Variants in OSBP2 observed in about 807,000 individuals in gnomAD.
OSBP2 encodes the protein oxysterol-binding protein 2.
OSBP2 carries 66 observed loss-of-function variants against 96.0 expected under a neutral mutation model. The ratio of observed to expected loss-of-function variants is 0.69; its 90% CI spans 0.56 to 0.84. The LOEUF is 0.84. OSBP2 is among the 40% of genes least tolerant of loss of function. The pLI is 0.00. For missense variants in OSBP2, 1,038 were observed against 1,222.7 expected (o/e 0.85, Z 2.25); for synonymous variants, 525 against 520.9 (o/e 1.01, Z -0.11).
intron 1 of OSBP2, among the ~76,000 whole-genome samples, chr22:30,717,815 G>GC (rs1426498630): frequency 6.6e-6 from 1 of 152,098 alleles, no homozygotes; most frequent in East Asian, 1.9e-4. Context: ...CTGATCCCTT[G>GC]CTCTACTCTG....
At chr22:30,713,823 T>G (rs567018917) in intron 1 of OSBP2, among the ~76,000 whole-genome samples, 17 of 152,286 alleles carry the variant, frequency 1.1e-4, no homozygotes, top group African/African-American at 2.6e-4. Flanking sequence ...GGGTGATATT[T>G]TGGCTCATGT....
At chr22:30,761,384 C>T (rs557390494) in intron 2 of OSBP2, among the ~76,000 whole-genome samples, 1 of 152,040 alleles carries the variant, frequency 6.6e-6, no homozygotes, top group East Asian at 1.9e-4. Flanking sequence ...ATAATTATAA[C>T]AAAACAAATA....
At chr22:30,830,312 ATAG>A (rs898214399) in intron 2 of OSBP2, among the ~76,000 whole-genome samples, 31 of 152,200 alleles carry the variant, frequency 2.0e-4, no homozygotes, top group Non-Finnish European at 5.9e-5. Flanking sequence ...ATCTTCAGAA[ATAG>A]TAGTTGCTCA....
At chr22:30,899,204 C>G (rs548785250) in intron 12 of OSBP2, among the ~76,000 whole-genome samples, 1 of 152,032 alleles carries the variant, frequency 6.6e-6, no homozygotes, top group South Asian at 2.1e-4. Flanking sequence ...AACAGCAAGA[C>G]CCTGTCTCTA....
At chr22:30,852,768 A>T (rs2039000231) in intron 2 of OSBP2, among the ~76,000 whole-genome samples, 18 of 152,154 alleles carry the variant, frequency 1.2e-4, no homozygotes, top group Admixed American at 1.2e-3. Flanking sequence ...TAATATATAA[A>T]GCTATGAATT....
At chr22:30,847,053 C>G (rs907113680) in intron 2 of OSBP2, among the ~76,000 whole-genome samples, 1 of 152,146 alleles carries the variant, frequency 6.6e-6, no homozygotes, top group Non-Finnish European at 1.5e-5. Context: ...TCTTGGCTCA[C>G]TGCAACTTCC....
chr22:30,866,242 A>G (rs2039333756), intron 2 of OSBP2, among the ~76,000 whole-genome samples: 1 of 152,240 alleles, frequency 6.6e-6, no homozygotes, highest in Non-Finnish European at 1.5e-5. Context: ...GGCCCAGCAC[A>G]ATCACTGGAT....
At chr22:30,868,136 C>T (rs1374646637) in intron 2 of OSBP2, among the ~76,000 whole-genome samples, 1 of 152,238 alleles carries the variant, frequency 6.6e-6, no homozygotes, top group African/African-American at 2.4e-5. Flanking sequence ...AGCGCCTCAC[C>T]CACAGCCTGG....
Position 30,803,798 on chromosome 22 carries a change from C to T in OSBP2, c.853+62429C>T, listed in dbSNP as rs565997158. 5.3e-5 allele frequency among the ~76,000 whole-genome samples: 8 copies of T among 150,876 alleles called. No homozygotes were observed. The South Asian group carries it at 1.5e-3, about 27-fold the overall frequency. ...GTGGATACTGGGCAGGCACTGCCTGCCAGTGGGGTGTGTGTGTGTGTATGT... is the reference window on the plus strand; with the variant it reads ...GTGGATACTGGGCAGGCACTGCCTGTCAGTGGGGTGTGTGTGTGTGTATGT... On this transcript the variant is annotated intron_variant, in intron 2 of 13. Transcript: ENST00000332585.
chr22:30,891,512 C>T lies in OSBP2; in HGVS notation c.1869+539C>T, dbSNP rs910719376. 5.3e-5 allele frequency among the ~76,000 whole-genome samples: 8 copies of T among 152,180 alleles called. No homozygotes were observed. The South Asian group carries it at 8.3e-4, about 16-fold the overall frequency. The stretch of plus-strand genomic sequence containing the variant: ...AACGAGGTGATTCTGTTGGTGCTGG[C>T]GTTGCCCTGGCTCCTGGCATGAGTG... On this transcript the variant is annotated intron_variant, in intron 8 of 13. Coordinates refer to ENST00000332585, the MANE Select transcript of OSBP2 (RefSeq NM_030758.4).
chr22:30,901,488 T>C (rs1216265708), intron 12 of OSBP2, among the ~76,000 whole-genome samples: 5 of 152,204 alleles, frequency 3.3e-5, no homozygotes, highest in Non-Finnish European at 7.3e-5. Flanking sequence ...AAAACATGTA[T>C]GTTGAAGAAG....
At position 30,825,674 on chromosome 22, in the gene OSBP2, C is replaced by T. The variant is rs193288945; in HGVS notation, c.854-44755C>T. 3.3e-5 allele frequency among the ~76,000 whole-genome samples: 5 copies of T among 152,294 alleles called. No homozygotes were observed. In the East Asian group the frequency reaches 5.8e-4, roughly 18 times the overall value. On this transcript the variant is annotated intron_variant, in intron 2 of 13. Transcript: ENST00000332585. Reference sequence around the variant, plus strand: ...ACTCATGGATCTTTTCTGGTTGGAACGTAAGTCACGAGAGCAGAACGTGTG... The same window carrying T: ...ACTCATGGATCTTTTCTGGTTGGAATGTAAGTCACGAGAGCAGAACGTGTG...
intron 2 of OSBP2, among the ~76,000 whole-genome samples, chr22:30,862,460 G>T (rs191891806): frequency 1.3e-5 from 2 of 152,082 alleles, no homozygotes; most frequent in Non-Finnish European, 2.9e-5. Context: ...CAGGCAGATC[G>T]CCTGAGGTCA....
At chr22:30,802,009 C>T (rs2090857377) in intron 2 of OSBP2, among the ~76,000 whole-genome samples, 1 of 142,648 alleles carries the variant, frequency 7.0e-6, no homozygotes, top group Admixed American at 6.8e-5. Flanking sequence ...GAATGAATGA[C>T]AGGAGTTTCC....
At chr22:30,848,572 C>T (rs993156903) in intron 2 of OSBP2, among the ~76,000 whole-genome samples, 2 of 152,188 alleles carry the variant, frequency 1.3e-5, no homozygotes, top group Admixed American at 6.5e-5. Context: ...AAAGTTTTCT[C>T]ATACCTCTTT....
intron 2 of OSBP2, among the ~76,000 whole-genome samples, chr22:30,758,271 G>A (rs533929916): frequency 3.3e-5 from 5 of 152,194 alleles, no homozygotes; most frequent in Admixed American, 6.5e-5. Context: ...GTGTGGTGGC[G>A]CACGCTTGTA....
Position 30,873,817 on chromosome 22 carries a change from A to G in OSBP2, c.1107+3135A>G, listed in dbSNP as rs1203898468. Among the ~76,000 whole-genome samples, 3 of 152,224 alleles carry G rather than the reference A, an allele frequency of 2.0e-5. No individual in the cohort carries two copies. In the East Asian group the frequency reaches 5.8e-4, roughly 29 times the overall value. ...AGGGATGGCTGGCCAGACAAAGCCC[A>G]CATGGAGGGTGTCCTTCACAGCGCG... On this transcript the variant is annotated intron_variant, in intron 3 of 13. Coordinates refer to ENST00000332585, the MANE Select transcript of OSBP2 (RefSeq NM_030758.4).
In OSBP2 at chr22:30,881,562, A is replaced by G; in HGVS notation, c.1108-5864A>G. On this transcript the variant is annotated intron_variant, in intron 3 of 13. Coordinates refer to ENST00000332585, the MANE Select transcript of OSBP2 (RefSeq NM_030758.4). This position sits in a 1 kb window ranked among gnomAD's most constrained non-coding sequence, Gnocchi z 4.5. ...GCCTCAGAGAAATGAGACCACGTTC[A>G]GGCCTGGGCTGGGTCAGCCAGGCCC... 1 of 824,770 alleles carries G rather than the reference A, an allele frequency of 1.2e-6. No homozygotes were observed. Among genetic ancestry groups the G allele is most frequent in the Middle Eastern group, 3.0e-4 (1 of 3,292 alleles). The allele number at this position is 824,770 out of a possible 1,614,324, so 51.1% of individuals were successfully genotyped here.
At chr22:30,887,919 T>C (rs954509724) in intron 4 of OSBP2, among the ~76,000 whole-genome samples, 4 of 152,144 alleles carry the variant, frequency 2.6e-5, no homozygotes, top group African/African-American at 9.7e-5. Context: ...TTGGGGGTCA[T>C]GGGGACCCTG....
Sources: gnomAD v4.1 joint callset for allele counts (sites outside exome capture counted in the v4.1 genomes callset) on GRCh38, gnomAD v4.1.1 for gene constraint, Gnocchi (gnomAD v3.1) non-coding constraint, MANE v1.5 for transcripts, NCBI Gene and HGNC (gene_info 2026-07-23, HGNC 2026-07-21) for gene names.